Variants in PPP1R12B observed in about 807,000 individuals in gnomAD.
PPP1R12B encodes the protein myosin phosphatase target subunit 2.
In PPP1R12B, 76 loss-of-function variants were observed where a neutral mutation model predicts 126.1. The ratio of observed to expected loss-of-function variants is 0.60; its 90% CI spans 0.50 to 0.73. The LOEUF (loss-of-function observed/expected upper bound fraction) is 0.73. Ranked by LOEUF, PPP1R12B falls within the 30% of genes least tolerant of loss-of-function variation. PPP1R12B has a pLI of 0.00. For missense variants in PPP1R12B, 1,052 were observed against 1,205.1 expected, an observed-to-expected ratio of 0.87 and a Z score of 1.88; for synonymous variants, 356 against 434.7, an observed-to-expected ratio of 0.82 and a Z score of 2.25.
intron 6 of PPP1R12B, among the ~76,000 whole-genome samples, chr1:202,429,390 C>A (rs914005793): frequency 2.6e-5 from 4 of 152,134 alleles, no homozygotes; most frequent in African/African-American, 9.7e-5. Flanking sequence ...CTAAAACTGT[C>A]ATTTCATATA....
At chr1:202,496,706 T>C (rs1679596887) in intron 17 of PPP1R12B, 75 bp from the exon 18 acceptor site, 3 of 1,331,840 alleles carry the variant, frequency 2.3e-6, no homozygotes, top group Non-Finnish European at 2.1e-6. Flanking sequence ...GCATAATTGA[T>C]GGGATCTGAC....
In PPP1R12B at chr1:202,348,880, A is replaced by G; in HGVS notation, c.29A>G (p.Lys10Arg). MAELEHLGG[K>R]RAESARMRRA... ...GCGGAACTGGAGCACCTAGGAGGGA[A>G]GCGGGCAGAGTCGGCGCGAATGCGG... The change falls in exon 1 of 24, where the codon AAG (lysine) becomes AGG (arginine). Residue 10 changes from lysine to arginine, a missense_variant. Transcript: ENST00000608999. 6.2e-7 allele frequency: 1 copy of G among 1,610,638 alleles called. No individual in the cohort carries two copies. The highest frequency in any genetic ancestry group is 8.5e-7 in the Non-Finnish European group (1 of 1,179,302).
At chr1:202,469,476 T>C (rs1405021247) in intron 13 of PPP1R12B, among the ~76,000 whole-genome samples, 2 of 152,118 alleles carry the variant, frequency 1.3e-5, no homozygotes, top group Non-Finnish European at 2.9e-5. Flanking sequence ...AAATAAAAAA[T>C]AGAAGTTAAA....
chr1:202,559,524 C>G (rs12094396), intron 19 of PPP1R12B, among the ~76,000 whole-genome samples: 1 of 152,080 alleles, frequency 6.6e-6, no homozygotes, highest in Non-Finnish European at 1.5e-5. Context: ...CACCTAGTAT[C>G]TAAGGGTACA....
intron 13 of PPP1R12B, among the ~76,000 whole-genome samples, chr1:202,461,814 C>T (rs1190166698): frequency 1.3e-5 from 2 of 152,080 alleles, no homozygotes; most frequent in Non-Finnish European, 2.9e-5. Flanking sequence ...CTTTTCTCCC[C>T]TCACCAAGCA....
At chr1:202,370,032 G>C (rs1324901488) in intron 1 of PPP1R12B, 1 of 164,742 alleles carries the variant, frequency 6.1e-6, no homozygotes, top group Non-Finnish European at 1.3e-5. Flanking sequence ...CTGGGCCCAA[G>C]TAATCTGCCC....
intron 18 of PPP1R12B, among the ~76,000 whole-genome samples, chr1:202,503,795 T>TC (rs1553307913): frequency 6.6e-6 from 1 of 151,854 alleles, no homozygotes; most frequent in African/African-American, 2.4e-5. Context: ...TTTTTTTTTT[T>TC]CAAGGGCTAT....
rs933009378 is a variant in PPP1R12B, at chr1:202,586,839, T to G, written c.*6279T>G. 3.9e-5 allele frequency: 6 copies of G among 152,284 alleles called. No homozygotes were observed. Among genetic ancestry groups the G allele is most frequent in the African/African-American group, 9.6e-5 (4 of 41,480 alleles). 9.4% of individuals were successfully genotyped at this position (152,284 alleles called of 1,614,324 possible). On this transcript the variant is annotated 3_prime_UTR_variant, in exon 24 of 24. Transcript: ENST00000608999. ...AAGACAATACCATTAATGAATGTTC[T>G]GGCCTTACCTAAAAAGGTTTAGCAA...
Position 202,395,393 on chromosome 1 carries a change from C to T in PPP1R12B, c.292-21394C>T, listed in dbSNP as rs113825219. Among the ~76,000 whole-genome samples the T allele has an allele frequency of 1.8e-3, 276 of 152,292 alleles. 2 individuals carry two copies. Among genetic ancestry groups the T allele is most frequent in the African/African-American group, 6.5e-3 (269 of 41,560 alleles). Reference sequence around the variant, plus strand: ...ATAAAATACCGCCGCTCCCTTGATTCTCATGCCACCTTTTAACTCCCTCAT... The same window carrying T: ...ATAAAATACCGCCGCTCCCTTGATTTTCATGCCACCTTTTAACTCCCTCAT... On this transcript the variant is annotated intron_variant, in intron 1 of 23. Coordinates refer to ENST00000608999, the MANE Select transcript of PPP1R12B (RefSeq NM_002481.4).
chr1:202,547,911 A>G (rs1685818000), intron 18 of PPP1R12B, among the ~76,000 whole-genome samples: 1 of 152,244 alleles, frequency 6.6e-6, no homozygotes, highest in South Asian at 2.1e-4. Context: ...CAAGAGAGAG[A>G]ATAGAAAAAA....
intron 1 of PPP1R12B, among the ~76,000 whole-genome samples, chr1:202,381,123 T>C (rs1400100147): frequency 2.6e-5 from 4 of 152,188 alleles, no homozygotes; most frequent in Non-Finnish European, 5.9e-5. Context: ...ATTCCATACA[T>C]ACATATGTGT....
At chr1:202,511,222 G>GTTT (rs1253795454) in intron 18 of PPP1R12B, among the ~76,000 whole-genome samples, 1 of 143,952 alleles carries the variant, frequency 6.9e-6, no homozygotes, top group Non-Finnish European at 1.5e-5. Flanking sequence ...CCACTATGTA[G>GTTT]TTTTTTTTTT....
chr1:202,480,536 T>C lies in PPP1R12B; in HGVS notation c.1851-7997T>C, dbSNP rs148922601. 5.0e-3 allele frequency among the ~76,000 whole-genome samples: 759 copies of C among 152,242 alleles called. 2 individuals carry two copies. The highest frequency in any genetic ancestry group is 8.6e-3 in the Admixed American group (132 of 15,286). ...AATTTGGCAGACATTTTCTTGAAAA[T>C]AAAGTCAACCCATTGAGTATTTGTT... On this transcript the variant is annotated intron_variant, in intron 13 of 23. Transcript: ENST00000608999.
At position 202,495,574 on chromosome 1, in the gene PPP1R12B, T is replaced by C. The variant is rs951004427; in HGVS notation, c.2340T>C (p.Asn780=). ...CTTTATTTTATCTCTGGCCAGAGAA[T>C]GAAGAAGCAGATTTGGATGAGCAGT... ...TTAKEMDKNE[N]EEADLDEQSS... The change falls in exon 17 of 24, where the codon AAT becomes AAC. Residue 780 remains asparagine (N), a synonymous_variant. Transcript: ENST00000608999. 6 of 1,613,922 alleles carry C rather than the reference T, an allele frequency of 3.7e-6. No individual in the cohort carries two copies. In the Admixed American group the frequency reaches 5.0e-5, roughly 13 times the overall value.
At chr1:202,441,845 C>T (rs1377420657) in intron 11 of PPP1R12B, among the ~76,000 whole-genome samples, 1 of 151,878 alleles carries the variant, frequency 6.6e-6, no homozygotes, top group Non-Finnish European at 1.5e-5. Flanking sequence ...AGACTGATTG[C>T]AACACACTTT....
At chr1:202,366,501 G>C (rs973765102) in intron 1 of PPP1R12B, among the ~76,000 whole-genome samples, 1 of 109,402 alleles carries the variant, frequency 9.1e-6, no homozygotes, top group African/African-American at 3.8e-5. Flanking sequence ...CTGGGAGACA[G>C]AGCGAGACTC....
chr1:202,492,600 T>C (rs554615484), intron 14 of PPP1R12B, among the ~76,000 whole-genome samples: 1 of 152,322 alleles, frequency 6.6e-6, no homozygotes, highest in East Asian at 1.9e-4. Flanking sequence ...TAGAGTTACT[T>C]GGGAATTGAT....
At position 202,363,443 on chromosome 1, in the gene PPP1R12B, T is replaced by A. The variant is rs188742604; in HGVS notation, c.291+14301T>A. 8.2e-3 allele frequency among the ~76,000 whole-genome samples: 1,242 copies of A among 152,350 alleles called. 55 individuals carry two copies. The highest frequency in any genetic ancestry group is 0.073 in the Admixed American group (1,120 of 15,298). ...TGTATGTTTTAAGATAATCAAGACC[T>A]TGTCATTAGCCTTCTCTAATAAGGA... On this transcript the variant is annotated intron_variant, in intron 1 of 23. Coordinates refer to ENST00000608999, the MANE Select transcript of PPP1R12B (RefSeq NM_002481.4).
rs1351661853 is a variant in PPP1R12B at position 202,590,940 on chromosome 1, A to G, written c.*10380A>G. ...TTGAAGAGGCCCCCCTAAAGTCCTG[A>G]TCGCTAAGGCAGGTGGGATGGAGGA... On this transcript the variant is annotated 3_prime_UTR_variant, in exon 24 of 24. Coordinates refer to ENST00000608999, the MANE Select transcript of PPP1R12B (RefSeq NM_002481.4). 1 of 152,212 alleles carries G rather than the reference A, an allele frequency of 6.6e-6. No individual in the cohort carries two copies. Among genetic ancestry groups the G allele is most frequent in the African/African-American group, 2.4e-5 (1 of 41,446 alleles). The allele number at this position is 152,212 out of a possible 1,614,324, so 9.4% of individuals were successfully genotyped here. A position where few individuals can be genotyped will look rare whatever the true frequency, so the allele number is the denominator to read the frequency against.
Sources: gnomAD v4.1 joint callset for allele counts (sites outside exome capture counted in the v4.1 genomes callset) on GRCh38, gnomAD v4.1.1 for gene constraint, MANE v1.5 for transcripts, NCBI Gene and HGNC (gene_info 2026-07-23, HGNC 2026-07-21) for gene names.